The following CELSR1 variants were observed in gnomAD, a reference collection of about 807,000 sequenced individuals.
The protein encoded by CELSR1 is cadherin EGF LAG seven-pass G-type receptor 1, also known as adhesion G protein-coupled receptor C1.
In CELSR1, 110 loss-of-function variants were observed where a neutral mutation model predicts 249.1. The ratio of observed to expected loss-of-function variants is 0.44; its 90% CI spans 0.38 to 0.52. The LOEUF (loss-of-function observed/expected upper bound fraction) is 0.52. Ranked by LOEUF, CELSR1 falls within the 20% of genes least tolerant of loss-of-function variation. The pLI is 0.00. For missense variants in CELSR1, 4,109 were observed against 4,296.4 expected, an observed-to-expected ratio of 0.96 and a Z score of 1.22; for synonymous variants, 2,113 against 1,900.0, an observed-to-expected ratio of 1.11 and a Z score of -2.92.
chr22:46,366,564 G>T, intron 29 of CELSR1, 84 bp from the exon 30 acceptor site: 1 of 1,110,394 alleles, frequency 9.0e-7, no homozygotes, highest in Non-Finnish European at 1.3e-6. Flanking sequence ...CCCACGGCAA[G>T]CCCCCCACAC....
intron 18 of CELSR1, among the ~76,000 whole-genome samples, chr22:46,388,629 T>C (rs886743761): frequency 6.6e-6 from 1 of 152,182 alleles, no homozygotes; most frequent in Non-Finnish European, 1.5e-5. Flanking sequence ...CAGGCACTCC[T>C]CTGGGGGTCC....
In CELSR1 at chr22:46,381,256, CAG is replaced by C. The variant is rs1491568574; in HGVS notation, c.7089-303_7089-302del. 2.0e-5 allele frequency among the ~76,000 whole-genome samples: 3 copies of C among 152,160 alleles called. No homozygotes were observed. The highest frequency in any genetic ancestry group is 1.3e-4 in the Admixed American group (2 of 15,272). On this transcript the variant is annotated intron_variant, in intron 21 of 34. Transcript: ENST00000674500. This position sits in a 1 kb window ranked among gnomAD's most constrained non-coding sequence, Gnocchi z 6.0. ...CCCATAATAGCTAATGGCAGAATCA[CAG>C]GGGATGGTTTCAGTGTCCAGCAAAA...
At chr22:46,439,001 A>T (rs1227409777) in intron 3 of CELSR1, among the ~76,000 whole-genome samples, 188 bp downstream of exon 3, 1 of 151,734 alleles carries the variant, frequency 6.6e-6, no homozygotes, top group Non-Finnish European at 1.5e-5. Context: ...CAGGTGATCC[A>T]CCCGCCTCGG....
At chr22:46,469,981 AG>A (rs1258414065) in intron 1 of CELSR1, among the ~76,000 whole-genome samples, 17 of 138,230 alleles carry the variant, frequency 1.2e-4, no homozygotes, top group East Asian at 2.1e-4. Flanking sequence ...GGGAGGGAGG[AG>A]GAGGGGAGGG....
intron 1 of CELSR1, among the ~76,000 whole-genome samples, chr22:46,515,530 G>A (rs968287481): frequency 1.3e-5 from 2 of 152,214 alleles, no homozygotes; most frequent in Non-Finnish European, 2.9e-5. Flanking sequence ...GGAGGGCTGA[G>A]CCTGATGCAG....
At chr22:46,431,339 G>T (rs1458275939) in intron 5 of CELSR1, among the ~76,000 whole-genome samples, 1 of 152,250 alleles carries the variant, frequency 6.6e-6, no homozygotes, top group African/African-American at 2.4e-5. Context: ...TGCAACTGCA[G>T]ACACACTGTT....
At position 46,427,752 on chromosome 22, in the gene CELSR1, GGAAGGGAGAGAA is replaced by G. The variant is rs1569155649; in HGVS notation, c.4611+5629_4611+5640del. Among the ~76,000 whole-genome samples, 2 of 152,126 alleles carry G rather than the reference GGAAGGGAGAGAA, an allele frequency of 1.3e-5. No homozygotes were observed. The highest frequency in any genetic ancestry group is 4.8e-5 in the African/African-American group (2 of 41,406). ...CGTGTAATTGGCACTCAATTAACATGGAAGGGAGAGAAGGAGGGAGGGAAAGGGAAGGCTACG... is the reference window on the plus strand; with the variant it reads ...CGTGTAATTGGCACTCAATTAACATGGGAGGGAGGGAAAGGGAAGGCTACG... On this transcript the variant is annotated intron_variant, in intron 5 of 34. Coordinates refer to ENST00000674500, the MANE Select transcript of CELSR1 (RefSeq NM_001378328.1). The surrounding 1 kb of genome is among the most constrained non-coding windows in gnomAD (Gnocchi z 4.2).
rs577060529 is a variant in CELSR1, at chr22:46,399,839, G to A, written c.5290C>T (p.Leu1764=). The part of the protein sequence containing the change: ...HGPSDVESVM[L]SGLRVTDGEW... ...CCGTCGGTCACCCGCAACCCGGACA[G>A]CATCACGGACTCCACATCGGAGGGG... is the stretch of plus-strand genomic sequence containing the variant. The change falls in exon 10 of 35, where the codon CTG becomes TTG. Residue 1764 remains leucine (L), a synonymous_variant. Coordinates refer to ENST00000674500, the MANE Select transcript of CELSR1 (RefSeq NM_001378328.1). This position sits in a 1 kb window ranked among gnomAD's most constrained non-coding sequence, Gnocchi z 5.0. 2.5e-6 allele frequency: 4 copies of A among 1,614,190 alleles called. No individual in the cohort carries two copies. The South Asian group carries it at 4.4e-5, about 18-fold the overall frequency.
intron 23 of CELSR1, among the ~76,000 whole-genome samples, chr22:46,377,841 C>T (rs1356519529): frequency 6.6e-6 from 1 of 152,238 alleles, no homozygotes; most frequent in Non-Finnish European, 1.5e-5. Flanking sequence ...AAGAATGTGA[C>T]AGAAACCAGG....
Position 46,536,364 on chromosome 22 carries a change from C to A in CELSR1, c.807G>T (p.Ala269=). 2 of 1,612,312 alleles carry A rather than the reference C, an allele frequency of 1.2e-6. No homozygotes were observed. The highest frequency in any genetic ancestry group is 1.7e-6 in the Non-Finnish European group (2 of 1,179,520). The change falls in exon 1 of 35, where the codon GCG becomes GCT. Residue 269 remains alanine (A), a synonymous_variant. Coordinates refer to ENST00000674500, the MANE Select transcript of CELSR1 (RefSeq NM_001378328.1). ...CCTCCTCGCCCTCGATGGTGTAGTGCGCGTGCAGCTGGAGGATGAGGGTGC... is the reference window on the plus strand; with the variant it reads ...CCTCCTCGCCCTCGATGGTGTAGTGAGCGTGCAGCTGGAGGATGAGGGTGC... ...PAGTLILQLH[A]HYTIEGEEER...
At chr22:46,453,126 C>T (rs114060765) in intron 2 of CELSR1, among the ~76,000 whole-genome samples, 2,580 of 152,276 alleles carry the variant, frequency 0.017, 66 homozygotes, top group African/African-American at 0.056. Context: ...GGATGTGGGG[C>T]CAGGGTCTGG....
rs1569127682 is a variant in CELSR1 at position 46,390,336 on chromosome 22, G to A, written c.6345+56C>T. 1.5e-5 allele frequency: 21 copies of A among 1,374,020 alleles called. No individual in the cohort carries two copies. The highest frequency in any genetic ancestry group is 2.4e-5 in the East Asian group (1 of 41,714). The allele number at this position is 1,374,020 out of a possible 1,614,324, so 85.1% of individuals were successfully genotyped here. On this transcript the variant is annotated intron_variant, in intron 17 of 34. Coordinates refer to ENST00000674500, the MANE Select transcript of CELSR1 (RefSeq NM_001378328.1). This position sits in a 1 kb window ranked among gnomAD's most constrained non-coding sequence, Gnocchi z 6.3. ...CCTCGGCCCACACAAACTCTCTCAC[G>A]CATACACGAACACACACGTGCCCCT...
At chr22:46,415,409 C>T (rs2079388322) in intron 5 of CELSR1, among the ~76,000 whole-genome samples, 1 of 152,174 alleles carries the variant, frequency 6.6e-6, no homozygotes, top group Non-Finnish European at 1.5e-5. Flanking sequence ...CTCGGCCTCC[C>T]GAAGTGCTGG....
chr22:46,536,277 G>T lies in CELSR1; in HGVS notation c.894C>A (p.Ile298=), dbSNP rs139245421. The T allele has an allele frequency of 5.6e-6, 9 of 1,612,510 alleles. 1 individual carries two copies. The South Asian group carries it at 8.8e-5, about 16-fold the overall frequency. The stretch of plus-strand genomic sequence containing the variant: ...TGCTCACGGCGCCCGTGGCAGAGTC[G>T]ATTCGGAAGTAGCCCCGGGAGCGCT... The part of the protein sequence containing the change: ...FDERSRGYFR[I]DSATGAVSTD... Residue 298 remains isoleucine, a synonymous_variant, in exon 1 of 35, where the codon ATC becomes ATA. Transcript: ENST00000674500.
rs2079094959 is a variant in CELSR1 at position 46,391,759 on chromosome 22, G to A, written c.6022C>T (p.His2008Tyr). The change falls in exon 15 of 35, where the codon CAT (histidine) becomes TAT (tyrosine). Residue 2008 changes from histidine (H) to tyrosine (Y), a missense_variant. His to Tyr is a moderately conservative substitution (Grantham distance 83). This residue lies in a region of CELSR1 where 1,805 missense variants were observed against 1,831.6 expected (regional missense o/e 0.99). Coordinates refer to ENST00000674500, the MANE Select transcript of CELSR1 (RefSeq NM_001378328.1). The surrounding 1 kb of genome is among the most constrained non-coding windows in gnomAD (Gnocchi z 4.3). ...TCGCAAGTGCGGCTGTGGGAGCCAT[G>A]GGGGAAGCAGTCGCAGGGCAGACAG... is the stretch of plus-strand genomic sequence containing the variant. Reference protein sequence around the residue: ...DTCLPCDCFPHGSHSRTCDMA... With the variant: ...DTCLPCDCFPYGSHSRTCDMA... The A allele has an allele frequency of 6.2e-6, 10 of 1,612,718 alleles. No homozygotes were observed. The highest frequency in any genetic ancestry group is 8.5e-6 in the Non-Finnish European group (10 of 1,179,852).
chr22:46,386,361 A>G (rs779342712), intron 19 of CELSR1, 41 bp downstream of exon 19: 3 of 1,484,210 alleles, frequency 2.0e-6, no homozygotes, highest in Non-Finnish European at 2.7e-6. Context: ...CACACCCCTG[A>G]TGGTAGCAGG....
intron 1 of CELSR1, among the ~76,000 whole-genome samples, chr22:46,530,777 C>T (rs768945444): frequency 3.9e-5 from 6 of 152,210 alleles, no homozygotes; most frequent in Admixed American, 6.5e-5. Context: ...GCCCCCACCA[C>T]GTGGGCCTTC....
At position 46,534,630 on chromosome 22, in the gene CELSR1, C is replaced by G; in HGVS notation, c.2541G>C (p.Met847Ile). 6.2e-7 allele frequency: 1 copy of G among 1,613,944 alleles called. No homozygotes were observed. ...CCTGGTTCTCATAGTCCAGCTCCATCATGGTGTACATGGTGCCACTGTCGG... is the reference window on the plus strand; with the variant it reads ...CCTGGTTCTCATAGTCCAGCTCCATGATGGTGTACATGGTGCCACTGTCGG... ...IDPDSGTMYTMMELDYENQVA... is the reference protein window; with the variant it reads ...IDPDSGTMYTIMELDYENQVA... Residue 847 changes from methionine to isoleucine, a missense_variant, in exon 1 of 35, where the codon ATG becomes ATC. Around this residue, in one of 7 missense-constraint regions of CELSR1, gnomAD observed 886 missense variants for 896.5 expected, o/e 0.99. Coordinates refer to ENST00000674500, the MANE Select transcript of CELSR1 (RefSeq NM_001378328.1). The surrounding 1 kb of genome is among the most constrained non-coding windows in gnomAD (Gnocchi z 9.7).
chr22:46,445,425 T>C lies in CELSR1; in HGVS notation c.4184-6014A>G, dbSNP rs1602146390. 2.0e-5 allele frequency among the ~76,000 whole-genome samples: 3 copies of C among 151,932 alleles called. No individual in the cohort carries two copies. Among genetic ancestry groups the C allele is most frequent in the Admixed American group, 2.0e-4 (3 of 15,242 alleles). ...AGGAGAATCTCTTGAATCCAGGAGG[T>C]AGAGATTGCGGTGAACCAAAAATTG... On this transcript the variant is annotated intron_variant, in intron 2 of 34. Coordinates refer to ENST00000674500, the MANE Select transcript of CELSR1 (RefSeq NM_001378328.1). This position sits in a 1 kb window ranked among gnomAD's most constrained non-coding sequence, Gnocchi z 4.4.
Sources: allele counts gnomAD v4.1 joint callset (sites outside exome capture counted in the v4.1 genomes callset), GRCh38; gene constraint gnomAD v4.1.1; regional missense constraint gnomAD v4.1.1; non-coding constraint Gnocchi (gnomAD v3.1); transcripts MANE v1.5; gene names NCBI Gene and HGNC (gene_info 2026-07-23, HGNC 2026-07-21).